Variants in GRIK4 observed in about 807,000 individuals in gnomAD.
GRIK4 encodes the protein glutamate ionotropic receptor kainate type subunit 4.
Under a neutral mutation model 104.9 loss-of-function variants are expected in GRIK4, and 40 were observed. The ratio of observed to expected loss-of-function variants is 0.38; its 90% CI spans 0.30 to 0.50. The LOEUF (loss-of-function observed/expected upper bound fraction) is 0.50. GRIK4 is among the 20% of genes least tolerant of loss of function. The pLI, the probability that GRIK4 is intolerant of heterozygous loss-of-function variation, is 0.93. For synonymous variants in GRIK4, 485 were observed against 524.9 expected, an observed-to-expected ratio of 0.92 and a Z score of 1.04; for missense variants, 1,047 against 1,308.1, an observed-to-expected ratio of 0.80 and a Z score of 3.08.
In GRIK4 at chr11:120,816,983, T is replaced by G. The variant is rs938166513; in HGVS notation, c.345+1508T>G. On this transcript the variant is annotated intron_variant, in intron 5 of 20. Transcript: ENST00000527524. ...AGGCCGTGGCCCAGGAAGTTAGACC[T>G]CACGTGTAATTTACATCTTTCTTGC... 7.9e-5 allele frequency among the ~76,000 whole-genome samples: 12 copies of G among 152,134 alleles called. No individual in the cohort carries two copies. The East Asian group carries it at 2.1e-3, about 27-fold the overall frequency.
At chr11:120,602,954 C>T (rs1948906428) in intron 1 of GRIK4, among the ~76,000 whole-genome samples, 1 of 152,190 alleles carries the variant, frequency 6.6e-6, no homozygotes, top group African/African-American at 2.4e-5. Flanking sequence ...CTTCCTGCCG[C>T]AGCCTCCCAA....
intron 3 of GRIK4, among the ~76,000 whole-genome samples, chr11:120,689,965 G>T (rs1052762895): frequency 6.6e-6 from 1 of 152,150 alleles, no homozygotes; most frequent in Non-Finnish European, 1.5e-5. Flanking sequence ...TATCGAATGG[G>T]CTTTCCATGT....
chr11:120,928,110 G>A (rs2134595323), intron 13 of GRIK4, among the ~76,000 whole-genome samples: 1 of 151,958 alleles, frequency 6.6e-6, no homozygotes, highest in East Asian at 1.9e-4. Context: ...AGCTACTCGG[G>A]AGGCTGAGGC....
At chr11:120,855,637 C>T (rs575709586) in intron 8 of GRIK4, among the ~76,000 whole-genome samples, 3 of 151,224 alleles carry the variant, frequency 2.0e-5, no homozygotes, top group Non-Finnish European at 2.9e-5. Flanking sequence ...TGGCTCACTG[C>T]GACTCTGCCT....
intron 14 of GRIK4, among the ~76,000 whole-genome samples, chr11:120,941,858 C>T (rs529116103): frequency 7.2e-5 from 11 of 152,270 alleles, no homozygotes; most frequent in Non-Finnish European, 1.3e-4. Context: ...AGAACTATGA[C>T]ATGATAAATT....
At position 120,752,907 on chromosome 11, in the gene GRIK4, C is replaced by T. The variant is rs79822826; in HGVS notation, c.83-49786C>T. On this transcript the variant is annotated intron_variant, in intron 3 of 20. Coordinates refer to ENST00000527524, the MANE Select transcript of GRIK4 (RefSeq NM_014619.5). ...CAAGTCAGAGGAGGCTCCCTCCAAG[C>T]GAGGGACGGAGGCAGGAGAGCACAG... Among the ~76,000 whole-genome samples the T allele has an allele frequency of 7.0e-4, 106 of 152,346 alleles. 1 individual carries two copies. Among genetic ancestry groups the T allele is most frequent in the East Asian group, 3.7e-3 (19 of 5,174 alleles).
chr11:120,719,047 A>G (rs1052165775), intron 3 of GRIK4, among the ~76,000 whole-genome samples: 10 of 152,120 alleles, frequency 6.6e-5, no homozygotes, highest in African/African-American at 2.4e-4. Context: ...TTAGATACAC[A>G]TTTACTCTTT....
intron 1 of GRIK4, among the ~76,000 whole-genome samples, chr11:120,643,596 G>A (rs1484489886): frequency 1.3e-5 from 2 of 152,228 alleles, no homozygotes; most frequent in African/African-American, 4.8e-5. Flanking sequence ...GGTCCTGTGG[G>A]AGGAGCTGGC....
At position 120,906,482 on chromosome 11, in the gene GRIK4, C is replaced by A. The variant is rs61901436; in HGVS notation, c.1476+989C>A. Among the ~76,000 whole-genome samples, 1,284 of 152,290 alleles carry A rather than the reference C, an allele frequency of 8.4e-3. 9 individuals are homozygous for A. The highest frequency in any genetic ancestry group is 0.013 in the Non-Finnish European group (887 of 68,018). On this transcript the variant is annotated intron_variant, in intron 13 of 20. Transcript: ENST00000527524. The stretch of plus-strand genomic sequence containing the variant: ...TAGTCCCACTTTACAAATGAGCAAT[C>A]GAGCCCAGAAAGCTTGAGTGACTTG...
chr11:120,911,175 T>C (rs1390514715), intron 13 of GRIK4, among the ~76,000 whole-genome samples: 1 of 151,254 alleles, frequency 6.6e-6, no homozygotes, highest in Non-Finnish European at 1.5e-5. Context: ...CTTTCACTGT[T>C]GCAAGAGATG....
intron 2 of GRIK4, among the ~76,000 whole-genome samples, chr11:120,659,666 C>T (rs1422544752): frequency 6.6e-6 from 1 of 152,178 alleles, no homozygotes; most frequent in African/African-American, 2.4e-5. Context: ...AATGGAGTAA[C>T]CCTCCCAACT....
At chr11:120,512,182 G>A (rs1473475844) in intron 1 of GRIK4, among the ~76,000 whole-genome samples, 1 of 151,380 alleles carries the variant, frequency 6.6e-6, no homozygotes, top group Non-Finnish European at 1.5e-5. Flanking sequence ...ACCCCGGTCC[G>A]TCTCCCTCCC....
At chr11:120,938,293 G>T (rs1425287247) in intron 13 of GRIK4, among the ~76,000 whole-genome samples, 1 of 152,210 alleles carries the variant, frequency 6.6e-6, no homozygotes, top group African/African-American at 2.4e-5. Flanking sequence ...AACTTTGAAT[G>T]CAAGTGTCAA....
intron 3 of GRIK4, among the ~76,000 whole-genome samples, chr11:120,758,779 TATA>T (rs1951695961): frequency 6.6e-6 from 1 of 152,190 alleles, no homozygotes. Flanking sequence ...AGTGGGCATC[TATA>T]AATGGGAGTG....
intron 3 of GRIK4, among the ~76,000 whole-genome samples, chr11:120,800,253 G>A (rs1032292312): frequency 6.6e-6 from 1 of 152,198 alleles, no homozygotes; most frequent in Non-Finnish European, 1.5e-5. Context: ...GATGGTGGGA[G>A]CTGGTATGGG....
chr11:120,895,709 G>A (rs753066341), intron 11 of GRIK4, among the ~76,000 whole-genome samples: 1 of 152,198 alleles, frequency 6.6e-6, no homozygotes, highest in Non-Finnish European at 1.5e-5. Flanking sequence ...CCTTAGGCAA[G>A]CCATTAAACC....
At chr11:120,540,370 C>T (rs377577853) in intron 1 of GRIK4, among the ~76,000 whole-genome samples, 75 of 152,280 alleles carry the variant, frequency 4.9e-4, no homozygotes, top group African/African-American at 1.7e-3. Flanking sequence ...CCTGTAATCC[C>T]AGCACTTTGG....
At chr11:120,831,713 G>A in intron 6 of GRIK4, 139 bp from the exon 7 acceptor site, 1 of 602,560 alleles carries the variant, frequency 1.7e-6, no homozygotes, top group Non-Finnish European at 3.0e-6. Context: ...GTTATGATCT[G>A]TCTCCTTAAT....
chr11:120,675,388 T>G (rs1276644940), intron 3 of GRIK4, among the ~76,000 whole-genome samples: 1 of 152,188 alleles, frequency 6.6e-6, no homozygotes, highest in Admixed American at 6.5e-5. Context: ...AAAATTTGTG[T>G]GCCTGAATCC....
Sources: gnomAD v4.1 joint callset for allele counts (sites outside exome capture counted in the v4.1 genomes callset) on GRCh38, gnomAD v4.1.1 for gene constraint, MANE v1.5 for transcripts, NCBI Gene and HGNC (gene_info 2026-07-23, HGNC 2026-07-21) for gene names.